The following STXBP5 variants were observed in gnomAD, a reference collection of about 807,000 sequenced individuals.
STXBP5 encodes the protein syntaxin-binding protein 5.
In STXBP5, 50 loss-of-function variants were observed where a neutral mutation model predicts 152.4. The observed-to-expected ratio is 0.33, with a 90% CI of 0.26 to 0.42. The LOEUF (loss-of-function observed/expected upper bound fraction) is 0.42. Ranked by LOEUF, STXBP5 falls within the 10% of genes least tolerant of loss-of-function variation. The pLI is 1.00. For missense variants in STXBP5, 1,167 were observed against 1,388.6 expected (o/e 0.84, Z 2.54); for synonymous variants, 492 against 494.7 (o/e 0.99, Z 0.07).
chr6:147,314,182 T>TAG, intron 12 of STXBP5, 82 bp from the exon 13 acceptor site: 3 of 945,058 alleles, frequency 3.2e-6, no homozygotes, highest in Non-Finnish European at 4.9e-6. Flanking sequence ...CTGGATTATT[T>TAG]ACACACACAC....
At chr6:147,324,261 TTG>T (rs1335896491) in intron 16 of STXBP5, among the ~76,000 whole-genome samples, 14 of 117,726 alleles carry the variant, frequency 1.2e-4, no homozygotes, top group Admixed American at 4.6e-4. Flanking sequence ...GGGTTTTTTT[TTG>T]GTTTTTTTTT....
chr6:147,219,740 A>G (rs1015451730), intron 2 of STXBP5, among the ~76,000 whole-genome samples: 5 of 143,208 alleles, frequency 3.5e-5, no homozygotes, highest in Non-Finnish European at 7.6e-5. Flanking sequence ...TCTGTCTTTC[A>G]TTTCTGATGT....
At chr6:147,213,477 T>TGTGCGCGCGCGC in intron 2 of STXBP5, among the ~76,000 whole-genome samples, 77 of 131,312 alleles carry the variant, frequency 5.9e-4, no homozygotes, top group African/African-American at 1.6e-3. Flanking sequence ...TGTGTGTGTG[T>TGTGCGCGCGCGC]GCGCGCGCAT....
At position 147,385,489 on chromosome 6, in the gene STXBP5, C is replaced by T. The variant is rs1786295836; in HGVS notation, c.*734C>T. ...GAGCATGACTGAATTGCTCATCATT[C>T]TGGGAGTTTCCATGTAGTGGCTATG... On this transcript the variant is annotated 3_prime_UTR_variant, in exon 28 of 28. Transcript: ENST00000321680. 6.6e-6 allele frequency: 1 copy of T among 151,810 alleles called. No homozygotes were observed. The highest frequency in any genetic ancestry group is 2.4e-5 in the African/African-American group (1 of 41,324). The allele number at this position is 151,810 out of a possible 1,614,324, so 9.4% of individuals were successfully genotyped here.
At chr6:147,316,885 C>A (rs1782672977) in intron 16 of STXBP5, among the ~76,000 whole-genome samples, 1 of 151,964 alleles carries the variant, frequency 6.6e-6, no homozygotes, top group South Asian at 2.1e-4. Context: ...TTAAATATAT[C>A]TTGCTTTTAT....
At chr6:147,266,917 TC>T (rs536542463) in intron 6 of STXBP5, among the ~76,000 whole-genome samples, 166 bp from the exon 7 acceptor site, 7 of 152,196 alleles carry the variant, frequency 4.6e-5, no homozygotes, top group Non-Finnish European at 1.0e-4. Flanking sequence ...CATACAGTGT[TC>T]TCATTTGTCA....
intron 9 of STXBP5, among the ~76,000 whole-genome samples, chr6:147,301,955 G>A (rs191473259): frequency 4.9e-4 from 75 of 152,036 alleles, no homozygotes; most frequent in Non-Finnish European, 7.9e-4. Context: ...TTATAATCCC[G>A]TATTGCCAGA....
rs1583027537 is a variant in STXBP5 at position 147,389,582 on chromosome 6, A to G, written c.*4827A>G. ...ATCGTTTAAAATTTTATAGTGTATG[A>G]CATGTAAATAAACCAGTATTTATTG... On this transcript the variant is annotated 3_prime_UTR_variant, in exon 28 of 28. Coordinates refer to ENST00000321680, the MANE Select transcript of STXBP5 (RefSeq NM_001127715.4). 2 of 151,908 alleles carry G rather than the reference A, an allele frequency of 1.3e-5. No individual in the cohort carries two copies. The highest frequency in any genetic ancestry group is 2.1e-4 in the South Asian group (1 of 4,832). The allele number at this position is 151,908 out of a possible 1,614,324, so 9.4% of individuals were successfully genotyped here.
At chr6:147,288,280 G>A (rs1465299513) in intron 8 of STXBP5, among the ~76,000 whole-genome samples, 3 of 152,166 alleles carry the variant, frequency 2.0e-5, no homozygotes, top group Non-Finnish European at 2.9e-5. Context: ...GGGAGCTGCA[G>A]GTTCACACAA....
rs532271124 is a variant in STXBP5, at chr6:147,305,356, T to G, written c.918-4728T>G. On this transcript the variant is annotated intron_variant, in intron 9 of 27. Transcript: ENST00000321680. ...AGTACATCAAATTCATCTTCTGATATTTTCAATTTTATTTCTTTTTTCCTC... is the reference window on the plus strand; with the variant it reads ...AGTACATCAAATTCATCTTCTGATAGTTTCAATTTTATTTCTTTTTTCCTC... Among the ~76,000 whole-genome samples the G allele has an allele frequency of 8.6e-4, 131 of 152,350 alleles. No homozygotes were observed. In the South Asian group the frequency reaches 0.02, roughly 24 times the overall value.
At chr6:147,246,507 T>C (rs1461805289) in intron 4 of STXBP5, among the ~76,000 whole-genome samples, 1 of 152,188 alleles carries the variant, frequency 6.6e-6, no homozygotes, top group Non-Finnish European at 1.5e-5. Context: ...AAATTTCCCT[T>C]AATGAAATTT....
At chr6:147,352,228 G>A (rs1447047639) in intron 21 of STXBP5, among the ~76,000 whole-genome samples, 1 of 152,212 alleles carries the variant, frequency 6.6e-6, no homozygotes, top group Non-Finnish European at 1.5e-5. Context: ...TCACTAAAAT[G>A]TAAATAGAAG....
chr6:147,235,095 AT>A (rs1778204056), intron 2 of STXBP5, among the ~76,000 whole-genome samples, 154 bp from the exon 3 acceptor site: 2 of 152,086 alleles, frequency 1.3e-5, no homozygotes, highest in Admixed American at 6.6e-5. Context: ...AAACTATTAG[AT>A]TGATGTGTAA....
chr6:147,234,981 A>G (rs1004062723), intron 2 of STXBP5, among the ~76,000 whole-genome samples: 4 of 152,024 alleles, frequency 2.6e-5, no homozygotes, highest in East Asian at 1.9e-4. Flanking sequence ...AAAATGTATT[A>G]CCTATATATT....
At chr6:147,375,537 AAAG>A (rs1264938210) in intron 26 of STXBP5, among the ~76,000 whole-genome samples, 1 of 151,864 alleles carries the variant, frequency 6.6e-6, no homozygotes, top group Non-Finnish European at 1.5e-5. Flanking sequence ...AGGATTAAAA[AAAG>A]AAGTTGCTGT....
chr6:147,260,081 G>T (rs1779571440), intron 4 of STXBP5, among the ~76,000 whole-genome samples: 1 of 152,180 alleles, frequency 6.6e-6, no homozygotes, highest in Non-Finnish European at 1.5e-5. Flanking sequence ...GATGGACCTT[G>T]ACAATCATAT....
chr6:147,388,666 A>T lies in STXBP5; in HGVS notation c.*3911A>T, dbSNP rs1786451353. 1 of 151,368 alleles carries T rather than the reference A, an allele frequency of 6.6e-6. No individual in the cohort carries two copies. Among genetic ancestry groups the T allele is most frequent in the Non-Finnish European group, 1.5e-5 (1 of 67,558 alleles). The allele number at this position is 151,368 out of a possible 1,614,324, so 9.4% of individuals were successfully genotyped here. ...CATGAACAGGAAAGATATCATTTCT[A>T]TGCTTTAAAAAACCCTCTATTGAGC... On this transcript the variant is annotated 3_prime_UTR_variant, in exon 28 of 28. Transcript: ENST00000321680.
At chr6:147,256,898 C>T (rs1434626433) in intron 4 of STXBP5, among the ~76,000 whole-genome samples, 1 of 151,878 alleles carries the variant, frequency 6.6e-6, no homozygotes, top group East Asian at 1.9e-4. Context: ...TGGTTAATTT[C>T]AACATTACTT....
chr6:147,311,355 C>G (rs1475973065), intron 10 of STXBP5, 100 bp from the exon 11 acceptor site: 2 of 996,574 alleles, frequency 2.0e-6, no homozygotes, highest in Non-Finnish European at 3.1e-6. Context: ...GTTAAATACT[C>G]AAGAGAATGA....
Sources: allele counts gnomAD v4.1 joint callset (sites outside exome capture counted in the v4.1 genomes callset), GRCh38; gene constraint gnomAD v4.1.1; transcripts MANE v1.5; gene names NCBI Gene and HGNC (gene_info 2026-07-23, HGNC 2026-07-21).